Variants in PKIB observed in about 807,000 individuals in gnomAD.
The protein encoded by PKIB is PKI-beta.
Under a neutral mutation model 4.5 loss-of-function variants are expected in PKIB, and 2 were observed. The ratio of observed to expected loss-of-function variants is 0.44; its 90% CI spans 0.18 to 1.39. The LOEUF (loss-of-function observed/expected upper bound fraction) is 1.39, where lower values mean the gene tolerates loss of function less well. PKIB is among the 40% of genes most tolerant of loss of function. PKIB has a pLI of 0.27. For synonymous variants in PKIB, 38 were observed against 36.0 expected, an observed-to-expected ratio of 1.06 and a Z score of -0.20; for missense variants, 94 against 92.6, an observed-to-expected ratio of 1.02 and a Z score of -0.06.
At chr6:122,571,961 A>C (rs751256425) in intron 2 of PKIB, among the ~76,000 whole-genome samples, 3 of 152,162 alleles carry the variant, frequency 2.0e-5, no homozygotes, top group African/African-American at 7.2e-5. Flanking sequence ...GGATTAAAAA[A>C]CCGCTAACCA....
intron 3 of PKIB, among the ~76,000 whole-genome samples, chr6:122,699,777 T>A (rs766519663): frequency 1.3e-5 from 2 of 152,160 alleles, no homozygotes; most frequent in Non-Finnish European, 2.9e-5. Flanking sequence ...TTTCATTGGG[T>A]CAGAGCGTCC....
At chr6:122,684,609 A>G (rs1363475197) in intron 3 of PKIB, among the ~76,000 whole-genome samples, 1 of 152,226 alleles carries the variant, frequency 6.6e-6, no homozygotes, top group Admixed American at 6.5e-5. Context: ...GTCCAGTGAC[A>G]TGAGCTTTAG....
At chr6:122,632,818 A>T (rs1310620040) in intron 1 of PKIB, among the ~76,000 whole-genome samples, 1 of 152,200 alleles carries the variant, frequency 6.6e-6, no homozygotes, top group Admixed American at 6.5e-5. Context: ...TTTAAAGCAC[A>T]CATTTGAGAA....
intron 2 of PKIB, among the ~76,000 whole-genome samples, chr6:122,658,090 T>G (rs1430966254): frequency 6.6e-6 from 1 of 152,214 alleles, no homozygotes; most frequent in Non-Finnish European, 1.5e-5. Flanking sequence ...CCTTAGCTTA[T>G]TAATTTAAAA....
At chr6:122,561,543 C>A (rs555162383) in intron 2 of PKIB, among the ~76,000 whole-genome samples, 30 of 151,062 alleles carry the variant, frequency 2.0e-4, no homozygotes, top group Admixed American at 1.4e-3. Context: ...TGCTGTCTAT[C>A]TCATTTCTTA....
At chr6:122,532,940 T>A (rs1216491026) in intron 2 of PKIB, among the ~76,000 whole-genome samples, 1 of 152,186 alleles carries the variant, frequency 6.6e-6, no homozygotes, top group Non-Finnish European at 1.5e-5. Flanking sequence ...TGACTAGTGA[T>A]CTTGAACATC....
At chr6:122,585,430 G>T (rs188204853) in intron 2 of PKIB, 1 of 152,106 alleles carries the variant, frequency 6.6e-6, no homozygotes, top group Non-Finnish European at 1.5e-5. Flanking sequence ...TGACTTAGTT[G>T]TTGGGCTAAA....
intron 2 of PKIB, among the ~76,000 whole-genome samples, chr6:122,562,334 C>T (rs963213496): frequency 6.6e-6 from 1 of 152,110 alleles, no homozygotes; most frequent in Non-Finnish European, 1.5e-5. Context: ...TGCTGTTAAT[C>T]TGATAGGTTT....
intron 3 of PKIB, among the ~76,000 whole-genome samples, chr6:122,702,045 C>T (rs1303136081): frequency 7.2e-6 from 1 of 139,428 alleles, no homozygotes; most frequent in East Asian, 2.2e-4. Context: ...TATGACAAAA[C>T]CCTAACCTCC....
chr6:122,552,566 T>C (rs545174528), intron 2 of PKIB, among the ~76,000 whole-genome samples: 2 of 152,038 alleles, frequency 1.3e-5, no homozygotes, highest in Non-Finnish European at 2.9e-5. Flanking sequence ...TTAGTAGAGA[T>C]GGGGTTTTGC....
intron 1 of PKIB, among the ~76,000 whole-genome samples, chr6:122,477,472 G>T (rs1444833443): frequency 1.3e-5 from 2 of 152,066 alleles, no homozygotes; most frequent in African/African-American, 4.8e-5. Flanking sequence ...AATCATTTAG[G>T]CTATCAAAGT....
chr6:122,484,807 C>T (rs905210859), intron 2 of PKIB, among the ~76,000 whole-genome samples: 6 of 152,176 alleles, frequency 3.9e-5, no homozygotes, highest in South Asian at 2.1e-4. Flanking sequence ...CTGAGAAGGA[C>T]TCCGTACTTC....
chr6:122,689,072 C>A (rs973605276), intron 3 of PKIB, among the ~76,000 whole-genome samples: 1 of 152,156 alleles, frequency 6.6e-6, no homozygotes, highest in African/African-American at 2.4e-5. Context: ...TGAGCCACCA[C>A]ACCTGGCCGA....
chr6:122,561,996 TTTTTTTTG>T lies in PKIB; in HGVS notation c.-247-23917_-247-23910del, dbSNP rs1399852236. 5.8e-4 allele frequency among the ~76,000 whole-genome samples: 77 copies of T among 133,448 alleles called. 2 individuals carry two copies. The highest frequency in any genetic ancestry group is 2.2e-3 in the African/African-American group (73 of 32,536). The allele number at this position is 133,448 out of a possible 152,430, so 87.5% of individuals were successfully genotyped here. ...ATAGTTTTTTTTTGTTTGTTTTTGT[TTTTTTTTG>T]TTTTTTTTTTTTTTTGCTTTTTAAC... On this transcript the variant is annotated intron_variant, in intron 2 of 6. Transcript: ENST00000392491.
At chr6:122,620,686 G>A (rs1169615281) in intron 1 of PKIB, among the ~76,000 whole-genome samples, 1 of 152,006 alleles carries the variant, frequency 6.6e-6, no homozygotes, top group Non-Finnish European at 1.5e-5. Flanking sequence ...CTGCATTCAT[G>A]GATTTTTGTG....
intron 2 of PKIB, among the ~76,000 whole-genome samples, chr6:122,646,011 C>A (rs961780774): frequency 6.6e-6 from 1 of 151,940 alleles, no homozygotes; most frequent in Non-Finnish European, 1.5e-5. Flanking sequence ...TCAGATCAGA[C>A]TTAACTTCCT....
intron 1 of PKIB, among the ~76,000 whole-genome samples, chr6:122,475,754 C>G (rs1314420913): frequency 2.6e-5 from 4 of 152,156 alleles, no homozygotes; most frequent in Non-Finnish European, 4.4e-5. Context: ...CCACTGCACT[C>G]CAGCCTGGGT....
rs77338093 is a variant in PKIB at position 122,657,153 on chromosome 6, A to G, written c.-75-17925A>G. Among the ~76,000 whole-genome samples the G allele has an allele frequency of 3.0e-4, 46 of 152,304 alleles. No individual in the cohort carries two copies. In the East Asian group the frequency reaches 8.7e-3, roughly 29 times the overall value. ...CGTAGCTACTTCTTATTTTGTCTTT[A>G]AGGCTTTTTTACACCAACTATCTTC... On this transcript the variant is annotated intron_variant, in intron 2 of 4. Transcript: ENST00000368452.
rs183321651 is a variant in PKIB, at chr6:122,660,875, C to A, written c.-75-14203C>A. On this transcript the variant is annotated intron_variant, in intron 2 of 4. Coordinates refer to ENST00000368452, the MANE Select transcript of PKIB (RefSeq NM_181795.3). ...ATAAATATTACCATTCATCTCAAGA[C>A]CCACTCATTTAATAAACCTTTTATG... Among the ~76,000 whole-genome samples the A allele has an allele frequency of 4.4e-3, 677 of 152,184 alleles. 10 individuals carry two copies. The highest frequency in any genetic ancestry group is 0.015 in the African/African-American group (640 of 41,534).
Sources: allele counts gnomAD v4.1 joint callset (sites outside exome capture counted in the v4.1 genomes callset), GRCh38; gene constraint gnomAD v4.1.1; transcripts MANE v1.5; gene names NCBI Gene and HGNC (gene_info 2026-07-23, HGNC 2026-07-21).